Variants in MCF2L2 observed in about 807,000 individuals in gnomAD.
The protein encoded by MCF2L2 is MCF.2 cell line derived transforming sequence-like 2.
Under a neutral mutation model 150.2 loss-of-function variants are expected in MCF2L2, and 102 were observed. The ratio of observed to expected loss-of-function variants is 0.68; its 90% CI spans 0.58 to 0.80. The LOEUF (loss-of-function observed/expected upper bound fraction) is 0.80, where lower values mean the gene tolerates loss of function less well. Ranked by LOEUF, MCF2L2 falls within the 30% of genes least tolerant of loss-of-function variation. The pLI is 0.00. For missense variants in MCF2L2, 1,256 were observed against 1,372.8 expected (o/e 0.91, Z 1.34); for synonymous variants, 465 against 491.3 (o/e 0.95, Z 0.71).
chr3:183,276,183 G>C (rs907185058), intron 15 of MCF2L2, among the ~76,000 whole-genome samples: 1 of 152,182 alleles, frequency 6.6e-6, no homozygotes, highest in Non-Finnish European at 1.5e-5. Context: ...CACCGTAAGT[G>C]AAAGAATATA....
At chr3:183,231,169 G>A (rs749680323) in intron 15 of MCF2L2, 152 bp from the exon 16 acceptor site, 2 of 699,476 alleles carry the variant, frequency 2.9e-6, no homozygotes, top group African/African-American at 3.5e-5. Flanking sequence ...CTGTTCTATT[G>A]AACACCCAAG....
chr3:183,219,321 A>T (rs1049571880), intron 21 of MCF2L2, among the ~76,000 whole-genome samples: 6 of 152,112 alleles, frequency 3.9e-5, no homozygotes, highest in Admixed American at 1.3e-4. Flanking sequence ...TCCCATTAAA[A>T]TTTTTTTGGC....
intron 2 of MCF2L2, among the ~76,000 whole-genome samples, chr3:183,388,019 G>A (rs1713934397): frequency 6.6e-6 from 1 of 151,830 alleles, no homozygotes; most frequent in African/African-American, 2.4e-5. Flanking sequence ...GTTGCCCAAG[G>A]TGATGCTGCT....
chr3:183,307,257 GAC>G (rs766163381), intron 10 of MCF2L2, among the ~76,000 whole-genome samples: 39 of 152,340 alleles, frequency 2.6e-4, no homozygotes, highest in Admixed American at 4.6e-4. Context: ...ATTGTGGCCA[GAC>G]ACAGTCTTGT....
chr3:183,319,958 C>T (rs1729743001), intron 6 of MCF2L2, among the ~76,000 whole-genome samples: 1 of 152,204 alleles, frequency 6.6e-6, no homozygotes, highest in Non-Finnish European at 1.5e-5. Context: ...ACAAGAGAGT[C>T]AGCCTGTCCT....
intron 15 of MCF2L2, among the ~76,000 whole-genome samples, chr3:183,255,192 G>A (rs1724928903): frequency 6.6e-6 from 1 of 152,202 alleles, no homozygotes; most frequent in Non-Finnish European, 1.5e-5. Context: ...GTGAAAAGCC[G>A]AAGTTGACCC....
chr3:183,181,646 G>A lies in MCF2L2; in HGVS notation c.3017-1487C>T, dbSNP rs888587927. On this transcript the variant is annotated intron_variant, in intron 27 of 29. Transcript: ENST00000328913. This position sits in a 1 kb window ranked among gnomAD's most constrained non-coding sequence, Gnocchi z 4.3. ...TGGAAGAATGATTGTCTTGCTGAAA[G>A]TTCTGTGATGGAGGGATAGAGGGAC... 2.0e-5 allele frequency among the ~76,000 whole-genome samples: 3 copies of A among 152,176 alleles called. No individual in the cohort carries two copies. The highest frequency in any genetic ancestry group is 7.2e-5 in the African/African-American group (3 of 41,432).
intron 3 of MCF2L2, among the ~76,000 whole-genome samples, chr3:183,345,632 C>G (rs946834362): frequency 1.3e-5 from 2 of 152,064 alleles, no homozygotes; most frequent in Non-Finnish European, 2.9e-5. Context: ...AATCCAGGAG[C>G]TGGTTTTGTG....
chr3:183,200,875 T>C (rs1722254891), intron 25 of MCF2L2, among the ~76,000 whole-genome samples: 1 of 152,344 alleles, frequency 6.6e-6, no homozygotes, highest in East Asian at 1.9e-4. Flanking sequence ...ATTTATTAAA[T>C]AGGGAATCCT....
At chr3:183,408,469 C>T (rs1200194072) in intron 1 of MCF2L2, among the ~76,000 whole-genome samples, 1 of 152,174 alleles carries the variant, frequency 6.6e-6, no homozygotes, top group Admixed American at 6.5e-5. Context: ...AGGTGGTGGC[C>T]TGGTTCTGGC....
intron 16 of MCF2L2, 70 bp downstream of exon 16, chr3:183,230,881 G>A (rs1723524603): frequency 2.5e-6 from 3 of 1,219,144 alleles, no homozygotes; most frequent in East Asian, 2.4e-5. Context: ...ACTATTTTGA[G>A]TCTCTTTGTA....
intron 27 of MCF2L2, among the ~76,000 whole-genome samples, chr3:183,191,765 C>T (rs1394770622): frequency 1.3e-5 from 2 of 152,084 alleles, no homozygotes; most frequent in Admixed American, 6.5e-5. Context: ...AAGCATTTGA[C>T]GGCTTCTCTT....
chr3:183,297,067 GCAA>G lies in MCF2L2; in HGVS notation c.1403_1405del (p.Ile468_Ala469delinsThr), dbSNP rs1728549026. On this transcript the variant is annotated inframe_deletion, in exon 12 of 30. Coordinates refer to ENST00000328913, the MANE Select transcript of MCF2L2 (RefSeq NM_015078.4). ...CTCCTTGACTGTGCCCAGGAATGTC[GCAA>G]TGTCGTTCAAGGCGATATCAACCCC... 6.2e-7 allele frequency: 1 copy of G among 1,614,036 alleles called. No individual in the cohort carries two copies. Among genetic ancestry groups the G allele is most frequent in the Non-Finnish European group, 8.5e-7 (1 of 1,180,028 alleles).
chr3:183,413,940 G>A (rs1715451189), intron 1 of MCF2L2, among the ~76,000 whole-genome samples: 1 of 152,200 alleles, frequency 6.6e-6, no homozygotes, highest in African/African-American at 2.4e-5. Context: ...GGTGGCAGAG[G>A]AGGAAGAAAA....
rs755587546 is a variant in MCF2L2, at chr3:183,300,089, G to A, written c.1221C>T (p.His407=). The A allele has an allele frequency of 1.2e-6, 2 of 1,613,640 alleles. No homozygotes were observed. The highest frequency in any genetic ancestry group is 2.2e-5 in the South Asian group (2 of 90,996). ...AIRPRCVELR[H]LCDDFINGNK... is the part of the protein sequence containing the mutation. ...TTCCATTGATGAAATCGTCACAGAG[G>A]TGCCTGAGCTCCACACACCGGGGCC... Residue 407 remains histidine, a synonymous_variant, in exon 11 of 30, where the codon CAC becomes CAT. Transcript: ENST00000328913.
chr3:183,241,523 C>A (rs1724026175), intron 15 of MCF2L2, among the ~76,000 whole-genome samples: 1 of 152,162 alleles, frequency 6.6e-6, no homozygotes, highest in Non-Finnish European at 1.5e-5. Flanking sequence ...AAGGGCGGTT[C>A]CCTTGCACAT....
rs1456786609 is a variant in MCF2L2 at position 183,383,224 on chromosome 3, ATTTT to A, written c.161-3817_161-3814del. ...AAAGAATTTTTATATTTATTTATTT[ATTTT>A]ATTTATTTATTTATTTATTTTTTGA... is the stretch of plus-strand genomic sequence containing the variant. On this transcript the variant is annotated intron_variant, in intron 2 of 29. Transcript: ENST00000328913. Among the ~76,000 whole-genome samples, 11 of 146,448 alleles carry A rather than the reference ATTTT, an allele frequency of 7.5e-5. No homozygotes were observed. In the East Asian group the frequency reaches 1.4e-3, roughly 19 times the overall value.
intron 21 of MCF2L2, 76 bp downstream of exon 21, chr3:183,219,780 G>T: frequency 2.1e-6 from 2 of 947,022 alleles, no homozygotes; most frequent in Non-Finnish European, 3.3e-6. Flanking sequence ...AAGTAAAATT[G>T]CTATAAATCC....
chr3:183,418,554 TACTTCCAAGAC>T (rs368589697), intron 1 of MCF2L2, among the ~76,000 whole-genome samples: 1 of 152,234 alleles, frequency 6.6e-6, no homozygotes, highest in African/African-American at 2.4e-5. Flanking sequence ...GCAAATTAGT[TACTTCCAAGAC>T]ACAATGAGGG....
Sources: allele counts gnomAD v4.1 joint callset (sites outside exome capture counted in the v4.1 genomes callset), GRCh38; gene constraint gnomAD v4.1.1; non-coding constraint Gnocchi (gnomAD v3.1); transcripts MANE v1.5; gene names NCBI Gene and HGNC (gene_info 2026-07-23, HGNC 2026-07-21).